The following RNF24 variants were observed in gnomAD, a reference collection of about 807,000 sequenced individuals.
RNF24 encodes the protein ring finger protein 24.
RNF24 carries 14 observed loss-of-function variants against 20.0 expected under a neutral mutation model. That is an observed-to-expected ratio of 0.70 (90% CI 0.46 to 1.10). RNF24 has a LOEUF of 1.10. Among genes scored for constraint, RNF24 ranks in the 50% least tolerant of loss-of-function variants. The pLI is 0.00. For synonymous variants in RNF24, 45 were observed against 61.1 expected (o/e 0.74, Z 1.23); for missense variants, 124 against 177.6 (o/e 0.70, Z 1.71).
At chr20:3,953,467 CTT>C (rs58150160) in intron 2 of RNF24, among the ~76,000 whole-genome samples, 295 of 128,360 alleles carry the variant, frequency 2.3e-3, no homozygotes, top group Middle Eastern at 4.0e-3. Flanking sequence ...CACATTCTCT[CTT>C]TTTTTTTTTT....
At chr20:3,978,399 G>T (rs1302243965) in intron 1 of RNF24, among the ~76,000 whole-genome samples, 1 of 140,354 alleles carries the variant, frequency 7.1e-6, no homozygotes, top group African/African-American at 2.6e-5. Flanking sequence ...TAGAAGAGAA[G>T]AATTTGCAAT....
rs537231850 is a variant in RNF24, at chr20:3,949,147, C to T, written c.144-868G>A. On this transcript the variant is annotated intron_variant, in intron 2 of 5. Coordinates refer to ENST00000358395, the MANE Select transcript of RNF24 (RefSeq NM_001134337.3). Reference sequence around the variant, plus strand: ...GTAATCCTAGCACTTTGGGAGGCCGCGGCAGGCGGATGGCCTGAGGTCAAG... The same window carrying T: ...GTAATCCTAGCACTTTGGGAGGCCGTGGCAGGCGGATGGCCTGAGGTCAAG... Among the ~76,000 whole-genome samples the T allele has an allele frequency of 2.6e-5, 4 of 151,832 alleles. No individual in the cohort carries two copies. The East Asian group carries it at 5.8e-4, about 22-fold the overall frequency.
At chr20:3,944,787 T>C (rs2090997817) in intron 4 of RNF24, among the ~76,000 whole-genome samples, 1 of 152,216 alleles carries the variant, frequency 6.6e-6, no homozygotes, top group Non-Finnish European at 1.5e-5. Flanking sequence ...CTTCAATCCC[T>C]ACCCCCATGA....
chr20:3,964,132 T>C (rs17215054), intron 1 of RNF24, 108 bp from the exon 2 acceptor site: 116,151 of 825,988 alleles, frequency 0.14, 9,867 homozygotes, highest in Non-Finnish European at 0.17. Flanking sequence ...GAAACAAATA[T>C]GGTAGACAAA....
chr20:3,942,960 T>C (rs1271611250), intron 4 of RNF24, among the ~76,000 whole-genome samples: 2 of 151,872 alleles, frequency 1.3e-5, no homozygotes, highest in Non-Finnish European at 2.9e-5. Context: ...GGATTACAGG[T>C]GTCCATCACC....
At chr20:3,983,364 T>A (rs536606925) in intron 1 of RNF24, among the ~76,000 whole-genome samples, 1 of 152,340 alleles carries the variant, frequency 6.6e-6, no homozygotes, top group African/African-American at 2.4e-5. Flanking sequence ...ATACGTATTA[T>A]AAATGGGGTC....
rs11470036 is a variant in RNF24, at chr20:3,933,063, CTTTTTTTTTT to C, written c.*990_*999del. 7.5e-5 allele frequency: 23 copies of C among 307,090 alleles called. No homozygotes were observed. The highest frequency in any genetic ancestry group is 5.5e-4 in the African/African-American group (16 of 29,018). The allele number at this position is 307,090 out of a possible 1,614,324, so 19.0% of individuals were successfully genotyped here. A position where few individuals can be genotyped will look rare whatever the true frequency, so the allele number is the denominator to read the frequency against. On this transcript the variant is annotated 3_prime_UTR_variant, in exon 6 of 6. Transcript: ENST00000358395. Reference sequence around the variant, plus strand: ...AAAGTGTTAAAAAGTGAATGACAGGCTTTTTTTTTTTTTTTTTTTTTTTTCTGAAGTAGAA... The same window carrying C: ...AAAGTGTTAAAAAGTGAATGACAGGCTTTTTTTTTTTTTTCTGAAGTAGAA...
intron 1 of RNF24, among the ~76,000 whole-genome samples, chr20:3,969,773 GTTT>G (rs34975215): frequency 2.2e-5 from 3 of 136,250 alleles, no homozygotes; most frequent in African/African-American, 5.5e-5. Context: ...GCTGAAATCT[GTTT>G]TTTTTTTTTT....
Position 3,992,522 on chromosome 20 carries a change from G to C in RNF24, c.-8+22915C>G, listed in dbSNP as rs1316880409. Among the ~76,000 whole-genome samples, 10 of 146,678 alleles carry C rather than the reference G, an allele frequency of 6.8e-5. No individual in the cohort carries two copies. The South Asian group carries it at 1.8e-3, about 27-fold the overall frequency. ...GTACCTGGTAGCACTTCAGTATTTT[G>C]TCTTTTTTTTTTTTGCTGTTGTTCA... is the stretch of plus-strand genomic sequence containing the variant. On this transcript the variant is annotated intron_variant, in intron 1 of 5. Transcript: ENST00000358395.
intron 1 of RNF24, among the ~76,000 whole-genome samples, chr20:3,969,740 T>C (rs941133458): frequency 2.1e-4 from 31 of 151,182 alleles, no homozygotes; most frequent in African/African-American, 7.3e-4. Context: ...GCTGGGATAG[T>C]GTTAGAAAAG....
At chr20:3,946,030 C>T (rs1323360015) in intron 3 of RNF24, among the ~76,000 whole-genome samples, 1 of 152,160 alleles carries the variant, frequency 6.6e-6, no homozygotes, top group African/African-American at 2.4e-5. Context: ...TACTAAATTT[C>T]CTATCCAGTA....
intron 1 of RNF24, among the ~76,000 whole-genome samples, chr20:4,005,990 T>C (rs891217316): frequency 6.6e-6 from 1 of 152,218 alleles, no homozygotes; most frequent in Non-Finnish European, 1.5e-5. Flanking sequence ...AAGAACTGTA[T>C]CTGATACAAG....
Position 3,932,083 on chromosome 20 carries a change from C to G in RNF24, c.*1980G>C, listed in dbSNP as rs1288111112. On this transcript the variant is annotated 3_prime_UTR_variant, in exon 6 of 6. Transcript: ENST00000358395. Reference sequence around the variant, plus strand: ...AGGAAGGGAAAAAACATTCTCTTTCCTATTAGAGCCCCATAACAGAGGTGA... The same window carrying G: ...AGGAAGGGAAAAAACATTCTCTTTCGTATTAGAGCCCCATAACAGAGGTGA... 3 of 152,142 alleles carry G rather than the reference C, an allele frequency of 2.0e-5. No individual in the cohort carries two copies. The highest frequency in any genetic ancestry group is 7.2e-5 in the African/African-American group (3 of 41,424). 9.4% of individuals were successfully genotyped at this position (152,142 alleles called of 1,614,324 possible). A position where few individuals can be genotyped will look rare whatever the true frequency, so the allele number is the denominator to read the frequency against.
At chr20:3,940,429 A>AAC (rs397775617) in intron 4 of RNF24, among the ~76,000 whole-genome samples, 1 of 150,376 alleles carries the variant, frequency 6.6e-6, no homozygotes, top group Non-Finnish European at 1.5e-5. Context: ...AAAAAAAAAA[A>AAC]CTCTCCAGGA....
At position 3,931,613 on chromosome 20, in the gene RNF24, G is replaced by C. The variant is rs564257862; in HGVS notation, c.*2450C>G. The C allele has an allele frequency of 3.3e-5, 5 of 152,336 alleles. No homozygotes were observed. The highest frequency in any genetic ancestry group is 2.6e-4 in the Admixed American group (4 of 15,310). 9.4% of individuals were successfully genotyped at this position (152,336 alleles called of 1,614,324 possible). A position where few individuals can be genotyped will look rare whatever the true frequency, so the allele number is the denominator to read the frequency against. On this transcript the variant is annotated 3_prime_UTR_variant, in exon 6 of 6. Transcript: ENST00000358395. ...TAGTGATACTAGGCTTGCTGCAGGA[G>C]GATGTCACGCTGAGAAAGGGAGATG... is the stretch of plus-strand genomic sequence containing the variant.
chr20:3,942,283 C>G (rs2090966356), intron 4 of RNF24, among the ~76,000 whole-genome samples: 2 of 150,912 alleles, frequency 1.3e-5, no homozygotes, highest in South Asian at 4.2e-4. Flanking sequence ...ATCCTCCCAC[C>G]TCAGCCTCCT....
chr20:3,974,670 G>C (rs761024397), intron 1 of RNF24, among the ~76,000 whole-genome samples: 4 of 151,890 alleles, frequency 2.6e-5, no homozygotes, highest in Non-Finnish European at 4.4e-5. Context: ...TTCAAAAAAA[G>C]AAATACAAAG....
Position 3,928,441 on chromosome 20 carries a change from G to C in RNF24, c.*5622C>G, listed in dbSNP as rs1375832878. The C allele has an allele frequency of 6.6e-6, 1 of 152,116 alleles. No homozygotes were observed. The highest frequency in any genetic ancestry group is 1.5e-5 in the Non-Finnish European group (1 of 68,068). 9.4% of individuals were successfully genotyped at this position (152,116 alleles called of 1,614,324 possible). ...GGAAGCAGCTCTAACTTTCATCAGC[G>C]GGGACAAAAATGAACTTAAACTAAA... On this transcript the variant is annotated 3_prime_UTR_variant, in exon 6 of 6. Transcript: ENST00000358395.
At chr20:3,972,929 G>A (rs1048913367) in intron 1 of RNF24, among the ~76,000 whole-genome samples, 4 of 151,664 alleles carry the variant, frequency 2.6e-5, no homozygotes, top group Admixed American at 1.3e-4. Context: ...AGGGCTGGAC[G>A]GGATGGCTCA....
Sources: gnomAD v4.1 joint callset for allele counts (sites outside exome capture counted in the v4.1 genomes callset) on GRCh38, gnomAD v4.1.1 for gene constraint, MANE v1.5 for transcripts, NCBI Gene and HGNC (gene_info 2026-07-23, HGNC 2026-07-21) for gene names.